NAV3: variants seen among roughly 807,000 people sequenced by gnomAD.
NAV3 encodes the protein neuron navigator 3.
Under a neutral mutation model 244.7 loss-of-function variants are expected in NAV3, and 87 were observed. The ratio of observed to expected loss-of-function variants is 0.36; its 90% CI spans 0.30 to 0.42. The LOEUF is 0.42. Among genes scored for constraint, NAV3 ranks in the 20% least tolerant of loss-of-function variants. The pLI, the probability that NAV3 is intolerant of heterozygous loss-of-function variation, is 1.00. For missense variants in NAV3, 2,663 were observed against 2,893.3 expected, an observed-to-expected ratio of 0.92 and a Z score of 1.83; for synonymous variants, 1,126 against 1,042.2, an observed-to-expected ratio of 1.08 and a Z score of -1.55.
At chr12:77,829,097 A>G (rs1054647730), upstream of NAV3, among the ~76,000 whole-genome samples, 1 of 152,234 alleles carries the variant, frequency 6.6e-6, no homozygotes, top group African/African-American at 2.4e-5. Flanking sequence ...CTAAAAACAA[A>G]AACAAAAATG....
chr12:77,874,675 C>T (rs1164448465), intron 1 of NAV3, among the ~76,000 whole-genome samples: 1 of 151,932 alleles, frequency 6.6e-6, no homozygotes, highest in East Asian at 1.9e-4. Flanking sequence ...AGTGTAAGAA[C>T]AGCTCAGAAT....
chr12:78,110,808 G>A (rs1955055325), intron 12 of NAV3, among the ~76,000 whole-genome samples: 1 of 151,828 alleles, frequency 6.6e-6, no homozygotes, highest in South Asian at 2.1e-4. Context: ...TCTGTATATA[G>A]GTTATATAGA....
intron 2 of NAV3, among the ~76,000 whole-genome samples, chr12:77,643,076 T>C (rs1040360054): frequency 2.0e-5 from 3 of 151,978 alleles, no homozygotes; most frequent in African/African-American, 7.2e-5. Flanking sequence ...AAATAATCTG[T>C]AATCTAGACA....
Position 77,998,429 on chromosome 12 carries a change from G to T in NAV3, c.833G>T (p.Ser278Ile), listed in dbSNP as rs755721519. 2.3e-5 allele frequency: 37 copies of T among 1,611,712 alleles called. No homozygotes were observed. The highest frequency in any genetic ancestry group is 1.0e-4 in the Admixed American group (6 of 59,670). ...NLNRRSQSFN[S>I]IDKNKPPNYA... is the part of the protein sequence containing the mutation. ...AATAGGAGAAGTCAGAGCTTTAACA[G>T]CATTGACAAAAACAAGCCTCCAAAT... is the stretch of plus-strand genomic sequence containing the variant. Residue 278 changes from serine to isoleucine, a missense_variant, in exon 7 of 40, where the codon AGC becomes ATC. By Grantham distance (142) the Ser-to-Ile change is moderately radical. Transcript: ENST00000397909.
chr12:78,064,445 G>GCCTGCCTGCCTC (rs1884754574), intron 12 of NAV3, among the ~76,000 whole-genome samples: 1 of 151,628 alleles, frequency 6.6e-6, no homozygotes, highest in Admixed American at 6.6e-5. Flanking sequence ...CTGCCTGCCT[G>GCCTGCCTGCCTC]CCTGCCTGCC....
chr12:78,041,939 C>T (rs915292148), intron 9 of NAV3, among the ~76,000 whole-genome samples: 1 of 151,746 alleles, frequency 6.6e-6, no homozygotes, highest in African/African-American at 2.4e-5. Flanking sequence ...TCTTTTTGTT[C>T]CCTTTCTTTT....
upstream of NAV3, among the ~76,000 whole-genome samples, chr12:77,828,314 C>T (rs1336866226): frequency 1.3e-5 from 2 of 152,180 alleles, no homozygotes; most frequent in African/African-American, 2.4e-5. Context: ...ATGGGCCCCT[C>T]ACTCTTATGC....
chr12:77,692,682 G>A (rs1034676236), intron 2 of NAV3, among the ~76,000 whole-genome samples: 11 of 151,994 alleles, frequency 7.2e-5, no homozygotes, highest in African/African-American at 2.2e-4. Flanking sequence ...TAGTAATTAT[G>A]TTTCATTGTT....
intron 2 of NAV3, among the ~76,000 whole-genome samples, chr12:77,693,017 A>T (rs1875108597): frequency 6.6e-6 from 1 of 152,156 alleles, no homozygotes; most frequent in Non-Finnish European, 1.5e-5. Flanking sequence ...AGACGGGAAC[A>T]TTCCTATTAG....
At chr12:77,803,373 T>C (rs1871815344) in intron 2 of NAV3, among the ~76,000 whole-genome samples, 1 of 152,142 alleles carries the variant, frequency 6.6e-6, no homozygotes, top group South Asian at 2.1e-4. Flanking sequence ...TGAGAACATG[T>C]GGTGTTTGGT....
intron 2 of NAV3, among the ~76,000 whole-genome samples, chr12:77,603,066 G>C (rs998413507): frequency 3.3e-5 from 5 of 151,932 alleles, no homozygotes; most frequent in Non-Finnish European, 7.4e-5. Flanking sequence ...CTCTCTAGTC[G>C]TTCTTATTAA....
intron 2 of NAV3, among the ~76,000 whole-genome samples, chr12:77,578,701 G>A (rs1869209329): frequency 6.6e-6 from 1 of 152,026 alleles, no homozygotes; most frequent in Non-Finnish European, 1.5e-5. Flanking sequence ...CCAGACTAAT[G>A]ATAATATCAA....
intron 1 of NAV3, among the ~76,000 whole-genome samples, chr12:77,842,534 A>G (rs776762752): frequency 6.6e-6 from 1 of 151,082 alleles, no homozygotes; most frequent in Non-Finnish European, 1.5e-5. Context: ...GAAGTCAAGT[A>G]TCCAGCAAGA....
At chr12:77,720,664 G>T (rs180936686) in intron 2 of NAV3, among the ~76,000 whole-genome samples, 4 of 152,268 alleles carry the variant, frequency 2.6e-5, no homozygotes, top group Admixed American at 2.6e-4. Context: ...TCTCTAGGAA[G>T]AAGCTGAGAG....
At position 78,212,663 on chromosome 12, in the gene NAV3, A is replaced by T. The variant is rs1032422090; in HGVS notation, c.*2146A>T. 2.0e-5 allele frequency: 3 copies of T among 152,672 alleles called. No homozygotes were observed. The highest frequency in any genetic ancestry group is 7.2e-5 in the African/African-American group (3 of 41,472). 9.5% of individuals were successfully genotyped at this position (152,672 alleles called of 1,614,324 possible). ...TGAGAAACACAGTCCAAACATGAGC[A>T]TAAACAGAATTTCCTGCAATACATC... On this transcript the variant is annotated 3_prime_UTR_variant, in exon 40 of 40. Coordinates refer to ENST00000397909, the MANE Select transcript of NAV3 (RefSeq NM_001024383.2).
Position 78,119,275 on chromosome 12 carries a change from G to A in NAV3, c.3079G>A (p.Ala1027Thr), listed in dbSNP as rs566119396. The change falls in exon 15 of 40, where the codon GCT becomes ACT. Residue 1027 changes from alanine to threonine, a missense_variant. Physicochemically the swap from Ala to Thr is moderately conservative, Grantham distance 58. Around this residue, in one of 6 missense-constraint regions of NAV3, gnomAD observed 1,521 missense variants for 1,497.0 expected, o/e 1.02. Transcript: ENST00000397909. ...DDAKASEKGK[A>T]PLKGSSLQRS... ...TGCCAAAGCTTCTGAGAAAGGAAAA[G>A]CTCCCCTAAAAGGATCATCTCTACA... 6.2e-7 allele frequency: 1 copy of A among 1,613,308 alleles called. No individual in the cohort carries two copies. The highest frequency in any genetic ancestry group is 2.2e-5 in the East Asian group (1 of 44,870).
chr12:77,856,316 T>A (rs1878389537), intron 1 of NAV3, among the ~76,000 whole-genome samples: 1 of 152,138 alleles, frequency 6.6e-6, no homozygotes, highest in Non-Finnish European at 1.5e-5. Context: ...AAATAATGCT[T>A]TATGAAATGA....
chr12:78,049,378 G>A (rs778455440), intron 9 of NAV3, among the ~76,000 whole-genome samples: 1 of 152,174 alleles, frequency 6.6e-6, no homozygotes, highest in Non-Finnish European at 1.5e-5. Context: ...ATGTTGTGAA[G>A]ACTGTGGGAA....
intron 2 of NAV3, among the ~76,000 whole-genome samples, chr12:77,737,330 G>T (rs993758024): frequency 6.6e-6 from 1 of 150,854 alleles, no homozygotes; most frequent in East Asian, 1.9e-4. Context: ...TAAAAAGGAG[G>T]GTGGCATGTA....
Sources: allele counts gnomAD v4.1 joint callset (sites outside exome capture counted in the v4.1 genomes callset), GRCh38; gene constraint gnomAD v4.1.1; regional missense constraint gnomAD v4.1.1; transcripts MANE v1.5; gene names NCBI Gene and HGNC (gene_info 2026-07-23, HGNC 2026-07-21).